The following MAP1B variants were observed in gnomAD, a reference collection of about 807,000 sequenced individuals.
The protein encoded by MAP1B is microtubule-associated protein 1B.
MAP1B carries 12 observed loss-of-function variants against 176.1 expected under a neutral mutation model. The observed-to-expected ratio is 0.07, with a 90% CI of 0.04 to 0.11. The LOEUF is 0.11. Ranked by LOEUF, MAP1B falls within the 10% of genes least tolerant of loss-of-function variation. MAP1B has a pLI of 1.00. For missense variants in MAP1B, 2,523 were observed against 2,990.5 expected (o/e 0.84, Z 3.65); for synonymous variants, 1,044 against 1,135.0 (o/e 0.92, Z 1.61).
At chr5:72,155,766 C>CTTTTTT (rs11330287) in intron 2 of MAP1B, among the ~76,000 whole-genome samples, 39 of 126,550 alleles carry the variant, frequency 3.1e-4, no homozygotes, top group East Asian at 6.9e-4. Flanking sequence ...ATTTTCTTTT[C>CTTTTTT]TTTTTTTTTT....
At position 72,205,054 on chromosome 5, in the gene MAP1B, A is replaced by T. The variant is rs981092486; in HGVS notation, c.7252-30A>T. On this transcript the variant is annotated intron_variant, in intron 6 of 6. Transcript: ENST00000296755. ...CATATGGTTTCTGTTTCTGCCCTTAAATAGCTATTTTTTTTTTCTCTCCCT... is the reference window on the plus strand; with the variant it reads ...CATATGGTTTCTGTTTCTGCCCTTATATAGCTATTTTTTTTTTCTCTCCCT... The T allele has an allele frequency of 3.1e-6, 5 of 1,587,962 alleles. No homozygotes were observed. The African/African-American group carries it at 6.8e-5, about 22-fold the overall frequency.
intron 2 of MAP1B, chr5:72,179,902 G>A: frequency 1.0e-6 from 1 of 985,548 alleles, no homozygotes; most frequent in Non-Finnish European, 1.2e-6. Context: ...CTTGGAAGGA[G>A]TGGAGGTAAA....
chr5:72,140,356 C>T (rs955855299), intron 2 of MAP1B, among the ~76,000 whole-genome samples: 2 of 152,188 alleles, frequency 1.3e-5, no homozygotes, highest in African/African-American at 4.8e-5. Flanking sequence ...AAAACAATGC[C>T]TATCCTTATT....
chr5:72,193,675 A>C (rs1399432991), intron 4 of MAP1B, among the ~76,000 whole-genome samples, 191 bp from the exon 5 acceptor site: 1 of 152,140 alleles, frequency 6.6e-6, no homozygotes, highest in Non-Finnish European at 1.5e-5. Flanking sequence ...CTCAGGACAA[A>C]GGCTGTTCAC....
At position 72,186,042 on chromosome 5, in the gene MAP1B, A is replaced by ATTGAAGGTGACAATG. The variant is rs1260145877; in HGVS notation, c.370-572_370-571insTTGAAGGTGACAATG. 6.6e-6 allele frequency among the ~76,000 whole-genome samples: 1 copy of ATTGAAGGTGACAATG among 152,192 alleles called. No individual in the cohort carries two copies. The highest frequency in any genetic ancestry group is 1.5e-5 in the Non-Finnish European group (1 of 68,038). On this transcript the variant is annotated intron_variant, in intron 3 of 6. Transcript: ENST00000296755. The surrounding 1 kb of genome is among the most constrained non-coding windows in gnomAD (Gnocchi z 4.3). ...AGCCTTTTCTTTATATTCAATGTCA[A>ATTGAAGGTGACAATG]GCACCTTACTGATGCCACTGGAGAC... is the stretch of plus-strand genomic sequence containing the variant.
intron 2 of MAP1B, among the ~76,000 whole-genome samples, chr5:72,162,827 C>A (rs1746351725): frequency 6.6e-6 from 1 of 152,168 alleles, no homozygotes; most frequent in Non-Finnish European, 1.5e-5. Context: ...GAGTGTTGCT[C>A]AGGAGTGATT....
At chr5:72,134,554 C>CTA (rs1745796738) in intron 2 of MAP1B, among the ~76,000 whole-genome samples, 7 of 152,020 alleles carry the variant, frequency 4.6e-5, no homozygotes, top group Admixed American at 3.9e-4. Context: ...TTAACGGAAG[C>CTA]TGTTGTCTTA....
At chr5:72,120,079 C>G (rs1429795668) in intron 2 of MAP1B, among the ~76,000 whole-genome samples, 1 of 152,132 alleles carries the variant, frequency 6.6e-6, no homozygotes, top group East Asian at 1.9e-4. Context: ...GTAAGAAGTG[C>G]CCCATAATTA....
rs372896582 is a variant in MAP1B, at chr5:72,205,123, G to C, written c.7291G>C (p.Glu2431Gln). The C allele has an allele frequency of 6.2e-7, 1 of 1,613,718 alleles. No individual in the cohort carries two copies. Among genetic ancestry groups the C allele is most frequent in the African/African-American group, 1.3e-5 (1 of 74,832 alleles). ...IPTHDSEVMR[E>Q]WYQETHEKQQ... is the part of the protein sequence containing the mutation. The stretch of plus-strand genomic sequence containing the variant: ...AACTCATGACTCAGAAGTGATGAGG[G>C]AATGGTACCAGGAGACCCATGAGAA... Residue 2431 changes from glutamate to glutamine, a missense_variant, in exon 7 of 7, where the codon GAA (glutamate) becomes CAA (glutamine). Physicochemically the swap from Glu to Gln is conservative, Grantham distance 29. Coordinates refer to ENST00000296755, the MANE Select transcript of MAP1B (RefSeq NM_005909.5).
At chr5:72,161,973 A>AG (rs1354767197) in intron 2 of MAP1B, among the ~76,000 whole-genome samples, 6 of 146,946 alleles carry the variant, frequency 4.1e-5, no homozygotes, top group South Asian at 2.1e-4. Flanking sequence ...AAAAAAAAAA[A>AG]AAAGAAAGAA....
chr5:72,170,033 C>G (rs1746505359), intron 2 of MAP1B, among the ~76,000 whole-genome samples: 1 of 152,200 alleles, frequency 6.6e-6, no homozygotes, highest in African/African-American at 2.4e-5. Flanking sequence ...AAGTATCCCA[C>G]TAGGGCAAAA....
chr5:72,199,476 T>C lies in MAP1B; in HGVS notation c.6121T>C (p.Cys2041Arg), dbSNP rs780309729. ...TTRTPDTSTYCYETAEKITRT... is the reference protein window; with the variant it reads ...TTRTPDTSTYRYETAEKITRT... ...ACGAACCCCTGATACTTCCACATACTGTTACGAGACTGCAGAGAAAATCAC... is the reference window on the plus strand; with the variant it reads ...ACGAACCCCTGATACTTCCACATACCGTTACGAGACTGCAGAGAAAATCAC... Residue 2041 changes from cysteine to arginine, a missense_variant, in exon 5 of 7, where the codon TGT becomes CGT. By Grantham distance (180) the Cys-to-Arg change is radical (BLOSUM62 -3). Around this residue, in one of 4 missense-constraint regions of MAP1B, gnomAD observed 1,925 missense variants for 2,126.0 expected, o/e 0.91. Transcript: ENST00000296755. This position sits in a 1 kb window ranked among gnomAD's most constrained non-coding sequence, Gnocchi z 4.2. The C allele has an allele frequency of 2.5e-6, 4 of 1,614,144 alleles. No homozygotes were observed. In the Admixed American group the frequency reaches 6.7e-5, roughly 27 times the overall value.
At chr5:72,203,118 A>C (rs1342288697) in intron 5 of MAP1B, among the ~76,000 whole-genome samples, 1 of 152,238 alleles carries the variant, frequency 6.6e-6, no homozygotes, top group Non-Finnish European at 1.5e-5. Context: ...GAGACCCTAA[A>C]ATAGAGCACT....
chr5:72,132,867 G>A (rs977958124), intron 2 of MAP1B, among the ~76,000 whole-genome samples: 21 of 152,056 alleles, frequency 1.4e-4, no homozygotes, highest in African/African-American at 4.8e-4. Flanking sequence ...GTCCCATTTA[G>A]AGCTCTGTTT....
chr5:72,172,757 T>A (rs986047178), intron 2 of MAP1B, among the ~76,000 whole-genome samples: 2 of 152,342 alleles, frequency 1.3e-5, no homozygotes, highest in South Asian at 4.1e-4. Flanking sequence ...AAAAATCATG[T>A]GAGGATGATT....
Position 72,107,636 on chromosome 5 carries a change from C to T in MAP1B, c.105C>T (p.Ser35=), listed in dbSNP as rs1745111267. 4 of 1,600,378 alleles carry T rather than the reference C, an allele frequency of 2.5e-6. No homozygotes were observed. Among genetic ancestry groups the T allele is most frequent in the Non-Finnish European group, 3.4e-6 (4 of 1,179,632 alleles). Residue 35 remains serine (S), a synonymous_variant, in exon 1 of 7, where the codon AGC becomes AGT. Coordinates refer to ENST00000296755, the MANE Select transcript of MAP1B (RefSeq NM_005909.5). ...SPSLSHRFLD[S]KFYLLVVVGE... is the part of the protein sequence containing the mutation. ...GCCTGTCGCACCGCTTCCTTGACAG[C>T]AAGTTCTACTTGCTGGTGGTCGTCG...
intron 2 of MAP1B, among the ~76,000 whole-genome samples, chr5:72,176,328 A>C (rs74413563): frequency 0.013 from 1,931 of 152,270 alleles, 44 homozygotes; most frequent in African/African-American, 0.044. Flanking sequence ...GAAAATCTTT[A>C]TTTTGGATGG....
intron 4 of MAP1B, among the ~76,000 whole-genome samples, chr5:72,191,128 A>G (rs1272943655): frequency 6.6e-6 from 1 of 152,254 alleles, no homozygotes; most frequent in Non-Finnish European, 1.5e-5. Context: ...CATGTGTTGA[A>G]CTGGCCAAGT....
chr5:72,191,974 C>T (rs2017888), intron 4 of MAP1B, among the ~76,000 whole-genome samples: 130,148 of 152,196 alleles, frequency 0.86, 56,121 homozygotes, highest in East Asian at 0.97. Context: ...TAAAAAGAGC[C>T]AGTGATTGAA....
Sources: gnomAD v4.1 joint callset for allele counts (sites outside exome capture counted in the v4.1 genomes callset) on GRCh38, gnomAD v4.1.1 for gene constraint, gnomAD v4.1.1 regional missense constraint, Gnocchi (gnomAD v3.1) non-coding constraint, MANE v1.5 for transcripts, NCBI Gene and HGNC (gene_info 2026-07-23, HGNC 2026-07-21) for gene names.